Variants in AGFG1 observed in about 807,000 individuals in gnomAD.
AGFG1 encodes ArfGAP with FG repeats 1.
AGFG1 carries 10 observed loss-of-function variants against 60.6 expected under a neutral mutation model. The ratio of observed to expected loss-of-function variants is 0.16; its 90% CI spans 0.10 to 0.28. AGFG1 has a LOEUF of 0.28. Among genes scored for constraint, AGFG1 ranks in the 10% least tolerant of loss-of-function variants. AGFG1 has a pLI of 1.00. For synonymous variants in AGFG1, 247 were observed against 242.9 expected (o/e 1.02, Z -0.16); for missense variants, 537 against 676.5 (o/e 0.79, Z 2.29).
In AGFG1 at chr2:227,497,735, G is replaced by GT. The variant is rs869114764; in HGVS notation, c.261+6121dup. ...GCCAAATGAGTTTCTTTCTTGTTTTGTTTTTTTTTTTTTTTTTTTTTTTTT... is the reference window on the plus strand; with the variant it reads ...GCCAAATGAGTTTCTTTCTTGTTTTGTTTTTTTTTTTTTTTTTTTTTTTTTT... On this transcript the variant is annotated intron_variant, in intron 2 of 12. Coordinates refer to ENST00000310078, the MANE Select transcript of AGFG1 (RefSeq NM_004504.5). 3.9e-4 allele frequency among the ~76,000 whole-genome samples: 11 copies of GT among 28,028 alleles called. 2 individuals are homozygous for GT. The highest frequency in any genetic ancestry group is 1.3e-3 in the African/African-American group (10 of 7,914). 18.4% of individuals were successfully genotyped at this position (28,028 alleles called of 152,430 possible).
intron 10 of AGFG1, chr2:227,550,057 AG>A (rs759446103): frequency 2.2e-6 from 1 of 453,680 alleles, no homozygotes; most frequent in Non-Finnish European, 4.5e-6. Flanking sequence ...GCTTTCCATA[AG>A]GCCTTTCTGG....
chr2:227,492,831 A>G (rs1291898440), intron 2 of AGFG1, among the ~76,000 whole-genome samples: 1 of 152,124 alleles, frequency 6.6e-6, no homozygotes, highest in Non-Finnish European at 1.5e-5. Context: ...CTTTTAATGA[A>G]GAGTAAGCAT....
intron 10 of AGFG1, among the ~76,000 whole-genome samples, chr2:227,545,895 C>T (rs983851968): frequency 5.9e-5 from 9 of 152,192 alleles, no homozygotes; most frequent in African/African-American, 1.7e-4. Flanking sequence ...AGGTGTCAAT[C>T]GGCCCCTACT....
chr2:227,554,830 T>G lies in AGFG1; in HGVS notation c.*335T>G, dbSNP rs1473211987. ...TTTGTGCATATCAGTATTTGTAACT[T>G]TAACACATTGTTATGTGAGAAATGT... is the stretch of plus-strand genomic sequence containing the variant. On this transcript the variant is annotated 3_prime_UTR_variant, in exon 13 of 13. Coordinates refer to ENST00000310078, the MANE Select transcript of AGFG1 (RefSeq NM_004504.5). The G allele has an allele frequency of 5.7e-6, 1 of 175,006 alleles. No homozygotes were observed. The highest frequency in any genetic ancestry group is 2.4e-5 in the African/African-American group (1 of 42,320). 10.8% of individuals were successfully genotyped at this position (175,006 alleles called of 1,614,324 possible).
intron 1 of AGFG1, among the ~76,000 whole-genome samples, chr2:227,478,817 T>G (rs1690368193): frequency 6.6e-6 from 1 of 152,210 alleles, no homozygotes; most frequent in Admixed American, 6.5e-5. Flanking sequence ...TTCTTCTAGA[T>G]TTTTATGATT....
rs562196598 is a variant in AGFG1, at chr2:227,542,281, G to T, written c.1378+5288G>T. Among the ~76,000 whole-genome samples the T allele has an allele frequency of 3.3e-5, 5 of 152,304 alleles. No homozygotes were observed. The South Asian group carries it at 1.0e-3, about 32-fold the overall frequency. ...CTTCCAGTTTTTGCCCATTCAGTAT[G>T]ATATTGGCTGTGGGTTCGTCATAAA... On this transcript the variant is annotated intron_variant, in intron 10 of 12. Coordinates refer to ENST00000310078, the MANE Select transcript of AGFG1 (RefSeq NM_004504.5).
intron 2 of AGFG1, among the ~76,000 whole-genome samples, chr2:227,501,100 T>C (rs1691140378): frequency 6.6e-6 from 1 of 151,164 alleles, no homozygotes. Flanking sequence ...AGCCTAATTT[T>C]TTTTGACAGA....
chr2:227,478,531 C>T (rs879287327), intron 1 of AGFG1, among the ~76,000 whole-genome samples: 1 of 152,030 alleles, frequency 6.6e-6, no homozygotes, highest in African/African-American at 2.4e-5. Flanking sequence ...GATGGGGTTT[C>T]GCCATGTTGC....
At chr2:227,502,655 C>T (rs78320091) in intron 2 of AGFG1, among the ~76,000 whole-genome samples, 8,345 of 152,108 alleles carry the variant, frequency 0.055, 305 homozygotes, top group African/African-American at 0.092. Context: ...TTTTGGCAAG[C>T]GGAAGTTTTG....
At chr2:227,525,401 G>A (rs1691964079) in intron 5 of AGFG1, among the ~76,000 whole-genome samples, 1 of 152,066 alleles carries the variant, frequency 6.6e-6, no homozygotes, top group Non-Finnish European at 1.5e-5. Flanking sequence ...AATAATAGTA[G>A]TAATAATAAT....
rs115133659 is a variant in AGFG1, at chr2:227,547,038, A to G, written c.1379-4921A>G. ...AAAATTCAGTAATGGCTGATCTGATATTAATACCCAGAATGCTTCTGAACC... is the reference window on the plus strand; with the variant it reads ...AAAATTCAGTAATGGCTGATCTGATGTTAATACCCAGAATGCTTCTGAACC... On this transcript the variant is annotated intron_variant, in intron 10 of 12. Transcript: ENST00000310078. 6.2e-3 allele frequency among the ~76,000 whole-genome samples: 950 copies of G among 152,360 alleles called. 12 individuals are homozygous for G. Among genetic ancestry groups the G allele is most frequent in the African/African-American group, 0.022 (896 of 41,584 alleles).
At position 227,528,442 on chromosome 2, in the gene AGFG1, G is replaced by A. The variant is rs371633049; in HGVS notation, c.695-2649G>A. 9.2e-5 allele frequency among the ~76,000 whole-genome samples: 14 copies of A among 152,154 alleles called. No individual in the cohort carries two copies. In the South Asian group the frequency reaches 1.2e-3, roughly 14 times the overall value. ...CCCCGTAACCCTCCAGATAAGAAGC[G>A]ATTTCCCCCCTGACCAGATAAGGAC... On this transcript the variant is annotated intron_variant, in intron 5 of 12. Transcript: ENST00000310078.
rs532284296 is a variant in AGFG1 at position 227,559,588 on chromosome 2, G to A, written c.*5093G>A. Reference sequence around the variant, plus strand: ...TTTGAGCTTTTATAAAAAAAGATAAGTGATCCTAGATAAAATATTTTAGAT... The same window carrying A: ...TTTGAGCTTTTATAAAAAAAGATAAATGATCCTAGATAAAATATTTTAGAT... On this transcript the variant is annotated 3_prime_UTR_variant, in exon 13 of 13. Coordinates refer to ENST00000310078, the MANE Select transcript of AGFG1 (RefSeq NM_004504.5). 1 of 152,120 alleles carries A rather than the reference G, an allele frequency of 6.6e-6. No homozygotes were observed. Among genetic ancestry groups the A allele is most frequent in the African/African-American group, 2.4e-5 (1 of 41,448 alleles). 9.4% of individuals were successfully genotyped at this position (152,120 alleles called of 1,614,324 possible). A position where few individuals can be genotyped will look rare whatever the true frequency, so the allele number is the denominator to read the frequency against.
chr2:227,490,412 A>G (rs1192640019), intron 1 of AGFG1, among the ~76,000 whole-genome samples: 2 of 152,000 alleles, frequency 1.3e-5, no homozygotes, highest in African/African-American at 4.8e-5. Context: ...CCCTGTCTCT[A>G]CTAAAAATAC....
chr2:227,517,161 A>G (rs1325804070), intron 2 of AGFG1, among the ~76,000 whole-genome samples: 1 of 152,212 alleles, frequency 6.6e-6, no homozygotes, highest in African/African-American at 2.4e-5. Context: ...AAATGTTTTC[A>G]TAATGGATTG....
chr2:227,525,466 G>A (rs1161349827), intron 5 of AGFG1, among the ~76,000 whole-genome samples: 1 of 152,008 alleles, frequency 6.6e-6, no homozygotes, highest in Admixed American at 6.5e-5. Context: ...ACATACATAC[G>A]TACATATGTA....
In AGFG1 at chr2:227,558,747, G is replaced by GCCC. The variant is rs1418028804; in HGVS notation, c.*4253_*4255dup. The GCCC allele has an allele frequency of 6.6e-6, 1 of 152,066 alleles. No homozygotes were observed. Among genetic ancestry groups the GCCC allele is most frequent in the African/African-American group, 2.4e-5 (1 of 41,376 alleles). 9.4% of individuals were successfully genotyped at this position (152,066 alleles called of 1,614,324 possible). ...AACCATCTTTCATGAAAGAAAAAAG[G>GCCC]CCCTGTTTTGTAGCATTTACTAATA... On this transcript the variant is annotated 3_prime_UTR_variant, in exon 13 of 13. Transcript: ENST00000310078.
At chr2:227,484,597 C>T (rs1447629956) in intron 1 of AGFG1, among the ~76,000 whole-genome samples, 1 of 151,444 alleles carries the variant, frequency 6.6e-6, no homozygotes, top group African/African-American at 2.4e-5. Context: ...TTGCTTACCC[C>T]TTAGCATCTC....
chr2:227,474,048 G>A (rs916328639), intron 1 of AGFG1, among the ~76,000 whole-genome samples: 1 of 152,216 alleles, frequency 6.6e-6, no homozygotes, highest in Non-Finnish European at 1.5e-5. Context: ...TTTAGGCTGT[G>A]TGGCCAGGGA....
Sources: gnomAD v4.1 joint callset for allele counts (sites outside exome capture counted in the v4.1 genomes callset) on GRCh38, gnomAD v4.1.1 for gene constraint, MANE v1.5 for transcripts, NCBI Gene and HGNC (gene_info 2026-07-23, HGNC 2026-07-21) for gene names.